PRUNE1: variants seen among roughly 807,000 people sequenced by gnomAD.
PRUNE1 encodes the protein prune exopolyphosphatase 1.
PRUNE1 carries 25 observed loss-of-function variants against 42.5 expected under a neutral mutation model. That is an observed-to-expected ratio of 0.59 (90% CI 0.43 to 0.82). The LOEUF is 0.82. Ranked by LOEUF, PRUNE1 falls within the 40% of genes least tolerant of loss-of-function variation. The probability of loss-of-function intolerance (pLI) is 0.00; values close to 1 mark genes in which losing one functional copy is unlikely to be tolerated. For synonymous variants in PRUNE1, 203 were observed against 217.1 expected (o/e 0.93, Z 0.57); for missense variants, 443 against 539.3 (o/e 0.82, Z 1.77).
At chr1:151,018,753 T>C in intron 3 of PRUNE1, 84 bp downstream of exon 3, 4 of 1,324,550 alleles carry the variant, frequency 3.0e-6, no homozygotes, top group Non-Finnish European at 4.1e-6. Context: ...GAAGAAAGAG[T>C]TTTTGCTGGC....
chr1:151,018,660 T>C lies in PRUNE1; in HGVS notation c.326T>C (p.Ile109Thr), dbSNP rs587607607. ...QLTLILVDHH[I>T]LSKSDTALEE... ...ACCCTCATCCTTGTCGACCATCATA[T>C]CTTATCCAAGTAAGCACAAGGAAAT... The change falls in exon 3 of 8, where the codon ATC becomes ACC. Residue 109 changes from isoleucine (I) to threonine (T), a missense_variant. Ile to Thr is a moderately conservative substitution (Grantham distance 89). Transcript: ENST00000271620. 6.2e-7 allele frequency: 1 copy of C among 1,613,850 alleles called. No individual in the cohort carries two copies. The highest frequency in any genetic ancestry group is 1.7e-5 in the Admixed American group (1 of 59,996).
chr1:151,034,588 T>A lies in PRUNE1; in HGVS notation c.*354T>A, dbSNP rs1213964199. 1.2e-5 allele frequency: 3 copies of A among 241,832 alleles called. No individual in the cohort carries two copies. The highest frequency in any genetic ancestry group is 3.0e-3 in the Middle Eastern group (2 of 658). The allele number at this position is 241,832 out of a possible 1,614,324, so 15.0% of individuals were successfully genotyped here. ...GCATGGATCTTGAACAGAACCAGTATCTGTCATGGAACTGAACATTCATCG... is the reference window on the plus strand; with the variant it reads ...GCATGGATCTTGAACAGAACCAGTAACTGTCATGGAACTGAACATTCATCG... On this transcript the variant is annotated 3_prime_UTR_variant, in exon 8 of 8. Transcript: ENST00000271620.
chr1:151,031,068 C>G (rs1436063224), intron 7 of PRUNE1, among the ~76,000 whole-genome samples: 1 of 152,106 alleles, frequency 6.6e-6, no homozygotes, highest in Non-Finnish European at 1.5e-5. Context: ...TGAATCTTCT[C>G]CCCTCTGTGC....
At chr1:151,010,066 C>T (rs1455993027) in intron 1 of PRUNE1, among the ~76,000 whole-genome samples, 1 of 152,128 alleles carries the variant, frequency 6.6e-6, no homozygotes, top group East Asian at 1.9e-4. Flanking sequence ...CCTCCCCCGA[C>T]CCCCAGGTTA....
chr1:151,008,865 G>A, intron 1 of PRUNE1, 194 bp downstream of exon 1: 1 of 745,578 alleles, frequency 1.3e-6, no homozygotes, highest in South Asian at 1.5e-5. Context: ...TGAGAATGCT[G>A]CTTGTTCAGT....
intron 6 of PRUNE1, among the ~76,000 whole-genome samples, chr1:151,027,760 G>GTC (rs1453849302): frequency 1.4e-5 from 2 of 147,106 alleles, no homozygotes; most frequent in South Asian, 4.4e-4. Context: ...GTGTGTGTGT[G>GTC]TGTGTGTGTG....
At chr1:151,027,557 C>T (rs1179106451) in intron 6 of PRUNE1, among the ~76,000 whole-genome samples, 1 of 151,622 alleles carries the variant, frequency 6.6e-6, no homozygotes, top group African/African-American at 2.4e-5. Context: ...ACCATTCTCC[C>T]CGCAGCAGCC....
intron 3 of PRUNE1, 83 bp from the exon 4 acceptor site, chr1:151,024,528 G>A (rs1674696696): frequency 3.1e-6 from 4 of 1,280,376 alleles, no homozygotes; most frequent in Admixed American, 2.0e-5. Context: ...TTTCCTTGAT[G>A]TGTGGGGTAG....
intron 6 of PRUNE1, among the ~76,000 whole-genome samples, chr1:151,027,543 A>G (rs1398389634): frequency 6.7e-6 from 1 of 149,176 alleles, no homozygotes; most frequent in South Asian, 2.1e-4. Flanking sequence ...TTGCAGCCCT[A>G]CAAACCATTC....
chr1:151,026,923 T>C (rs1041889316), intron 5 of PRUNE1, among the ~76,000 whole-genome samples: 8 of 151,184 alleles, frequency 5.3e-5, no homozygotes, highest in Non-Finnish European at 1.2e-4. Context: ...TAGCTGGGAT[T>C]ACAAGTGCCC....
At chr1:151,014,837 G>A (rs1262945124) in intron 1 of PRUNE1, among the ~76,000 whole-genome samples, 1 of 152,174 alleles carries the variant, frequency 6.6e-6, no homozygotes, top group Non-Finnish European at 1.5e-5. Flanking sequence ...TGGCATCCAT[G>A]TGGGTAGAGG....
intron 4 of PRUNE1, among the ~76,000 whole-genome samples, chr1:151,025,035 C>G (rs1348511067): frequency 6.6e-6 from 1 of 152,120 alleles, no homozygotes; most frequent in African/African-American, 2.4e-5. Flanking sequence ...CTATTGGCAT[C>G]ATTTTATGAT....
At chr1:151,021,464 A>C (rs80326663) in intron 3 of PRUNE1, among the ~76,000 whole-genome samples, 3,643 of 152,196 alleles carry the variant, frequency 0.024, 106 homozygotes, top group African/African-American at 0.083. Flanking sequence ...TCAAAAAAAA[A>C]TTTTTTTTAA....
chr1:151,016,662 T>G (rs587728061), intron 1 of PRUNE1, among the ~76,000 whole-genome samples: 1 of 151,772 alleles, frequency 6.6e-6, no homozygotes, highest in Non-Finnish European at 1.5e-5. Context: ...CCACCATGCC[T>G]GGCTAATTTT....
chr1:151,008,818 C>A (rs1209168381), intron 1 of PRUNE1, 147 bp downstream of exon 1: 3 of 1,030,562 alleles, frequency 2.9e-6, no homozygotes, highest in Non-Finnish European at 4.5e-6. Flanking sequence ...AGTTTTGGGG[C>A]ATGAGGAGCG....
At chr1:151,019,149 T>C (rs587616949) in intron 3 of PRUNE1, among the ~76,000 whole-genome samples, 2 of 152,324 alleles carry the variant, frequency 1.3e-5, no homozygotes, top group East Asian at 3.9e-4. Flanking sequence ...TCTGCAGTTA[T>C]ATGTATGTCT....
At chr1:151,023,712 C>T (rs1337683014) in intron 3 of PRUNE1, among the ~76,000 whole-genome samples, 6 of 144,988 alleles carry the variant, frequency 4.1e-5, no homozygotes, top group Non-Finnish European at 4.5e-5. Context: ...AGCGAGATTC[C>T]GTCTTAGAAA....
At chr1:151,009,994 T>C (rs1673657087) in intron 1 of PRUNE1, among the ~76,000 whole-genome samples, 1 of 152,244 alleles carries the variant, frequency 6.6e-6, no homozygotes. Context: ...CCCTTGGACC[T>C]GAAACCTCAC....
Position 151,018,574 on chromosome 1 carries a change from G to A in PRUNE1, c.240G>A (p.Glu80=), listed in dbSNP as rs1240621592. The A allele has an allele frequency of 3.1e-6, 5 of 1,614,066 alleles. No homozygotes were observed. The highest frequency in any genetic ancestry group is 3.4e-6 in the Non-Finnish European group (4 of 1,179,918). ...VFFLQKVHIP[E]SILIFRDEID... ...TTCTTCAGAAGGTTCATATTCCAGA[G>A]AGTATCTTGATTTTTCGGGATGAGA... The change falls in exon 3 of 8, where the codon GAG becomes GAA. Residue 80 remains glutamate (E), a synonymous_variant. Transcript: ENST00000271620.
Sources: gnomAD v4.1 joint callset for allele counts (sites outside exome capture counted in the v4.1 genomes callset) on GRCh38, gnomAD v4.1.1 for gene constraint, MANE v1.5 for transcripts, NCBI Gene and HGNC (gene_info 2026-07-23, HGNC 2026-07-21) for gene names.